The following WIPF1 variants were observed in gnomAD, a reference collection of about 807,000 sequenced individuals.
WIPF1 encodes WAS/WASL interacting protein family member 1, also known as WAS/WASL-interacting protein family member 1.
Under a neutral mutation model 35.4 loss-of-function variants are expected in WIPF1, and 13 were observed. That is an observed-to-expected ratio of 0.37 (90% CI 0.24 to 0.58). The LOEUF (loss-of-function observed/expected upper bound fraction) is 0.58. Ranked by LOEUF, WIPF1 falls within the 20% of genes least tolerant of loss-of-function variation. The pLI is 0.74. For missense variants in WIPF1, 591 were observed against 667.0 expected, an observed-to-expected ratio of 0.89 and a Z score of 1.25; for synonymous variants, 267 against 266.3, an observed-to-expected ratio of 1.00 and a Z score of -0.02.
chr2:174,666,277 C>A (rs1242195862), intron 1 of WIPF1, among the ~76,000 whole-genome samples: 3 of 152,202 alleles, frequency 2.0e-5, no homozygotes, highest in Non-Finnish European at 4.4e-5. Context: ...AACAAACAAA[C>A]AAAAATTTAA....
intron 3 of WIPF1, 23 bp from the exon 4 acceptor site, chr2:174,575,403 C>G: frequency 6.3e-7 from 1 of 1,588,044 alleles, no homozygotes; most frequent in Non-Finnish European, 8.6e-7. Context: ...AGACACCCGA[C>G]AGACTATGCC....
chr2:174,567,914 G>C lies in WIPF1; in HGVS notation c.1289C>G (p.Pro430Arg), dbSNP rs145467227. 6 of 1,612,580 alleles carry C rather than the reference G, an allele frequency of 3.7e-6. No homozygotes were observed. The South Asian group carries it at 4.4e-5, about 12-fold the overall frequency. Residue 430 changes from proline to arginine, a missense_variant, in exon 6 of 8, where the codon CCA becomes CGA. Around this residue, in one of 3 missense-constraint regions of WIPF1, gnomAD observed 117 missense variants for 149.6 expected, o/e 0.78. Transcript: ENST00000679041. ...PDRPSAGAPP[P>R]PPPSTSIRNG... ...TCTAATAGATGTTGATGGTGGAGGTGGGGGAGGTGCCCCAGCACTGGGCCT... is the reference window on the plus strand; with the variant it reads ...TCTAATAGATGTTGATGGTGGAGGTCGGGGAGGTGCCCCAGCACTGGGCCT...
At chr2:174,634,619 A>T (rs1299705251) in intron 1 of WIPF1, 1 of 152,108 alleles carries the variant, frequency 6.6e-6, no homozygotes, top group Non-Finnish European at 1.5e-5. Context: ...ATACTTCCTC[A>T]CTGCACCTTC....
chr2:174,626,388 T>C (rs2033314), intron 1 of WIPF1, among the ~76,000 whole-genome samples: 119,471 of 152,124 alleles, frequency 0.79, 47,277 homozygotes, highest in East Asian at 0.97. Flanking sequence ...CAGATGAATT[T>C]AGGAGTGATA....
chr2:174,587,188 C>A (rs1186087196), intron 1 of WIPF1, among the ~76,000 whole-genome samples: 1 of 151,752 alleles, frequency 6.6e-6, no homozygotes, highest in Non-Finnish European at 1.5e-5. Flanking sequence ...TTATTTTTAT[C>A]TTTTATTTTT....
chr2:174,559,765 T>A lies in WIPF1; in HGVS notation c.*2782A>T, dbSNP rs939091336. ...TATAAGGAGGGAAAAATTAATTTCATGCCAACATTTTTGGGGAACTTTAAC... is the reference window on the plus strand; with the variant it reads ...TATAAGGAGGGAAAAATTAATTTCAAGCCAACATTTTTGGGGAACTTTAAC... On this transcript the variant is annotated 3_prime_UTR_variant, in exon 8 of 8. Coordinates refer to ENST00000679041, the MANE Select transcript of WIPF1 (RefSeq NM_001375834.1). The A allele has an allele frequency of 6.6e-6, 1 of 152,634 alleles. No individual in the cohort carries two copies. The highest frequency in any genetic ancestry group is 1.5e-5 in the Non-Finnish European group (1 of 68,028). 9.5% of individuals were successfully genotyped at this position (152,634 alleles called of 1,614,324 possible).
At chr2:174,682,846 GT>G (rs1351911699) in exon 1 of WIPF1, 1 of 151,948 alleles carries the variant, frequency 6.6e-6, no homozygotes, top group Non-Finnish European at 1.5e-5. Context: ...TTCTCCCGGG[GT>G]CCGCAGGGCT....
chr2:174,682,201 T>C (rs1382266769), intron 1 of WIPF1, among the ~76,000 whole-genome samples: 1 of 152,118 alleles, frequency 6.6e-6, no homozygotes, highest in Non-Finnish European at 1.5e-5. Flanking sequence ...CGCAGACCCC[T>C]AACGCGCGCG....
intron 1 of WIPF1, among the ~76,000 whole-genome samples, chr2:174,653,928 C>T (rs1687592064): frequency 6.6e-6 from 1 of 152,112 alleles, no homozygotes; most frequent in Non-Finnish European, 1.5e-5. Context: ...TCAGAGAAAG[C>T]ACAAGTCATG....
At chr2:174,621,773 A>G (rs1327923947) in intron 1 of WIPF1, among the ~76,000 whole-genome samples, 1 of 152,206 alleles carries the variant, frequency 6.6e-6, no homozygotes, top group Non-Finnish European at 1.5e-5. Flanking sequence ...TTAAAATCCA[A>G]TGTGAATTTT....
At chr2:174,615,306 A>T (rs1402182276) in intron 1 of WIPF1, among the ~76,000 whole-genome samples, 2 of 152,198 alleles carry the variant, frequency 1.3e-5, no homozygotes, top group East Asian at 3.8e-4. Flanking sequence ...CAATTACATT[A>T]AAAAAATACA....
intron 1 of WIPF1, among the ~76,000 whole-genome samples, chr2:174,603,563 G>A (rs17259026): frequency 0.5 from 75,581 of 152,058 alleles, 19,619 homozygotes; most frequent in East Asian, 0.92. Flanking sequence ...TGGATTCACT[G>A]GAAAAGCATT....
At chr2:174,627,041 G>A (rs529106360) in intron 1 of WIPF1, among the ~76,000 whole-genome samples, 10 of 152,024 alleles carry the variant, frequency 6.6e-5, no homozygotes, top group Admixed American at 1.3e-4. Context: ...GGCATGTTCC[G>A]CTTCTGCGTC....
intron 1 of WIPF1, among the ~76,000 whole-genome samples, chr2:174,640,524 T>C (rs1354998440): frequency 6.6e-6 from 1 of 151,686 alleles, no homozygotes; most frequent in East Asian, 1.9e-4. Flanking sequence ...AAAAAAAACT[T>C]TGATGAAAGA....
At chr2:174,575,415 C>G (rs770885558) in intron 3 of WIPF1, 35 bp from the exon 4 acceptor site, 2 of 1,565,410 alleles carry the variant, frequency 1.3e-6, no homozygotes, top group Non-Finnish European at 8.7e-7. Context: ...GACTATGCCC[C>G]CTGGTCTGGC....
chr2:174,585,374 G>A, intron 2 of WIPF1, 149 bp downstream of exon 2: 1 of 762,500 alleles, frequency 1.3e-6, no homozygotes, highest in Admixed American at 2.5e-5. Flanking sequence ...TGGGTTTCAG[G>A]ATTTGGCTTA....
Position 174,572,272 on chromosome 2 carries a change from G to A in WIPF1, c.533C>T (p.Ser178Leu). The change falls in exon 5 of 8, where the codon TCA (serine) becomes TTA (leucine). Residue 178 changes from serine to leucine, a missense_variant. Ser to Leu is a moderately radical substitution (Grantham distance 145). Coordinates refer to ENST00000679041, the MANE Select transcript of WIPF1 (RefSeq NM_001375834.1). The part of the protein sequence containing the change: ...RMPPPRPDVG[S>L]KPDSIPPPVP... ...TGGAGGAGGAATGCTATCAGGCTTT[G>A]AGCCCACGTCGGGCCTTGGGGGCGG... 2 of 1,614,158 alleles carry A rather than the reference G, an allele frequency of 1.2e-6. No homozygotes were observed. Among genetic ancestry groups the A allele is most frequent in the Non-Finnish European group, 1.7e-6 (2 of 1,180,036 alleles).
intron 1 of WIPF1, among the ~76,000 whole-genome samples, chr2:174,670,493 G>A (rs1320117508): frequency 6.6e-6 from 1 of 152,214 alleles, no homozygotes; most frequent in Non-Finnish European, 1.5e-5. Flanking sequence ...AGGTAGACAA[G>A]TTGGTCTAAC....
At chr2:174,666,830 C>T (rs933289676) in intron 1 of WIPF1, among the ~76,000 whole-genome samples, 1 of 152,234 alleles carries the variant, frequency 6.6e-6, no homozygotes, top group Non-Finnish European at 1.5e-5. Flanking sequence ...GCAGGGAGAC[C>T]ACAGACATGG....
Sources: gnomAD v4.1 joint callset for allele counts (sites outside exome capture counted in the v4.1 genomes callset) on GRCh38, gnomAD v4.1.1 for gene constraint, gnomAD v4.1.1 regional missense constraint, MANE v1.5 for transcripts, NCBI Gene and HGNC (gene_info 2026-07-23, HGNC 2026-07-21) for gene names.